TSEN2: variants seen among roughly 807,000 people sequenced by gnomAD.
TSEN2 encodes the protein tRNA-splicing endonuclease subunit Sen2.
A neutral mutation model predicts 59.2 loss-of-function variants in TSEN2; 54 were observed. The ratio of observed to expected loss-of-function variants is 0.91; its 90% CI spans 0.73 to 1.14. TSEN2 has a LOEUF of 1.14. Ranked by LOEUF, TSEN2 falls within the 50% of genes most tolerant of loss-of-function variation. TSEN2 has a pLI of 0.00. For missense variants in TSEN2, 636 were observed against 576.2 expected (o/e 1.10, Z -1.06); for synonymous variants, 195 against 198.2 (o/e 0.98, Z 0.14).
At chr3:12,530,094 C>T in intron 10 of TSEN2, 1 of 1,416,634 alleles carries the variant, frequency 7.1e-7, no homozygotes, top group Non-Finnish European at 9.2e-7. Context: ...CTCCCAACTG[C>T]TGCTGAGCTC....
At chr3:12,492,446 T>G (rs1197885621) in intron 3 of TSEN2, among the ~76,000 whole-genome samples, 4 of 152,206 alleles carry the variant, frequency 2.6e-5, no homozygotes, top group African/African-American at 9.6e-5. Flanking sequence ...TTTCTGTTGT[T>G]AAGTGTTTGC....
chr3:12,498,099 T>C (rs1007443835), intron 4 of TSEN2, among the ~76,000 whole-genome samples: 2 of 152,094 alleles, frequency 1.3e-5, no homozygotes, highest in Admixed American at 6.5e-5. Context: ...AAAAAATTGA[T>C]ACATAATAGA....
At chr3:12,497,016 C>G (rs1474782901) in intron 4 of TSEN2, among the ~76,000 whole-genome samples, 1 of 152,196 alleles carries the variant, frequency 6.6e-6, no homozygotes, top group Non-Finnish European at 1.5e-5. Context: ...TATGGCCTGG[C>G]TGATTCCTGC....
chr3:12,531,607 T>C lies in TSEN2; in HGVS notation c.1286T>C (p.Met429Thr), dbSNP rs749739005. The C allele has an allele frequency of 1.4e-5, 23 of 1,613,250 alleles. No individual in the cohort carries two copies. In the Admixed American group the frequency reaches 3.8e-4, roughly 27 times the overall value. The part of the protein sequence containing the change: ...MLCYLIKPST[M>T]TDKEMESPEC... ...TGCTATTTGATTAAACCCTCTACTA[T>C]GACTGACAAGGAAATGGAGTCACCA... The change falls in exon 11 of 12, where the codon ATG becomes ACG. Residue 429 changes from methionine to threonine, a missense_variant. Met to Thr is a moderately conservative substitution (Grantham distance 81). Transcript: ENST00000284995.
At chr3:12,497,070 T>C (rs1437381118) in intron 4 of TSEN2, among the ~76,000 whole-genome samples, 3 of 152,210 alleles carry the variant, frequency 2.0e-5, no homozygotes, top group Admixed American at 1.3e-4. Flanking sequence ...TGGGTTTCTT[T>C]CCTTACCACC....
At position 12,500,859 on chromosome 3, in the gene TSEN2, T is replaced by A. The variant is rs151098955; in HGVS notation, c.309-2403T>A. Among the ~76,000 whole-genome samples, 1,086 of 152,308 alleles carry A rather than the reference T, an allele frequency of 7.1e-3. 7 individuals carry two copies. The highest frequency in any genetic ancestry group is 0.025 in the African/African-American group (1,028 of 41,566). On this transcript the variant is annotated intron_variant, in intron 4 of 11. Transcript: ENST00000284995. ...CCCACGTCTGCTTTGACTGCTCTGC[T>A]GCAAAGAGCAGAGCAGTGCCCTCTG...
At chr3:12,530,533 C>T in intron 10 of TSEN2, 1 of 985,482 alleles carries the variant, frequency 1.0e-6, no homozygotes, top group Non-Finnish European at 1.2e-6. Flanking sequence ...GTTCTCATTA[C>T]TCAGTGATTT....
At chr3:12,516,948 T>C (rs1295230830) in intron 7 of TSEN2, among the ~76,000 whole-genome samples, 7 of 152,124 alleles carry the variant, frequency 4.6e-5, no homozygotes, top group Admixed American at 2.0e-4. Context: ...TATTAAAAAT[T>C]AACAAAAATA....
rs1007493619 is a variant in TSEN2 at position 12,519,472 on chromosome 3, G to T, written c.1099+275G>T. Among the ~76,000 whole-genome samples the T allele has an allele frequency of 3.9e-5, 6 of 152,298 alleles. No individual in the cohort carries two copies. The South Asian group carries it at 1.2e-3, about 32-fold the overall frequency. ...TCTTAGAAAAGCGTTCTGGCTGAGC[G>T]CCGTGGCTTACGCATGTAATCCCAG... On this transcript the variant is annotated intron_variant, in intron 8 of 11. Transcript: ENST00000284995.
intron 8 of TSEN2, among the ~76,000 whole-genome samples, chr3:12,528,443 G>A (rs1445355954): frequency 1.3e-5 from 2 of 152,230 alleles, no homozygotes; most frequent in Non-Finnish European, 2.9e-5. Context: ...GATGGTGGCT[G>A]GGTGTGGTGG....
At chr3:12,506,424 A>C (rs139093516) in intron 6 of TSEN2, among the ~76,000 whole-genome samples, 2,586 of 152,120 alleles carry the variant, frequency 0.017, 26 homozygotes, top group African/African-American at 0.031. Context: ...GCAAAACCCC[A>C]TCTCTACAAA....
At chr3:12,499,554 C>G (rs1011783472) in intron 4 of TSEN2, among the ~76,000 whole-genome samples, 2 of 152,236 alleles carry the variant, frequency 1.3e-5, no homozygotes, top group African/African-American at 4.8e-5. Context: ...CTTTCATCTT[C>G]TCAAGAAACC....
At chr3:12,502,545 C>T (rs1019112930) in intron 4 of TSEN2, among the ~76,000 whole-genome samples, 1 of 149,908 alleles carries the variant, frequency 6.7e-6, no homozygotes, top group African/African-American at 2.5e-5. Flanking sequence ...CAAAAAATAA[C>T]AACAATAATA....
At chr3:12,494,998 C>T (rs1414097236) in intron 3 of TSEN2, among the ~76,000 whole-genome samples, 1 of 151,150 alleles carries the variant, frequency 6.6e-6, no homozygotes, top group Non-Finnish European at 1.5e-5. Flanking sequence ...TGGTGGCAGG[C>T]ACTTGTAATC....
rs755389250 is a variant in TSEN2 at position 12,519,123 on chromosome 3, C to G, written c.1025C>G (p.Thr342Ser). Reference protein sequence around the residue: ...FTVVQPTFRTTYMAYHYFRSK... With the variant: ...FTVVQPTFRTSYMAYHYFRSK... ...GTAGTTCAGCCCACGTTCAGAACCA[C>G]CTACATGGCCTACCATTACTTTCGA... is the stretch of plus-strand genomic sequence containing the variant. The change falls in exon 8 of 12, where the codon ACC becomes AGC. Residue 342 changes from threonine (T) to serine (S), a missense_variant. By Grantham distance (58) the Thr-to-Ser change is moderately conservative. Coordinates refer to ENST00000284995, the MANE Select transcript of TSEN2 (RefSeq NM_025265.4). 11 of 1,614,102 alleles carry G rather than the reference C, an allele frequency of 6.8e-6. No individual in the cohort carries two copies. The East Asian group carries it at 2.2e-4, about 33-fold the overall frequency.
At chr3:12,498,630 A>G (rs1296675219) in intron 4 of TSEN2, among the ~76,000 whole-genome samples, 1 of 152,204 alleles carries the variant, frequency 6.6e-6, no homozygotes, top group Non-Finnish European at 1.5e-5. Context: ...GACATAAACG[A>G]CACATAGTGA....
chr3:12,522,326 G>A (rs1463569681), intron 8 of TSEN2, among the ~76,000 whole-genome samples: 1 of 152,156 alleles, frequency 6.6e-6, no homozygotes, highest in African/African-American at 2.4e-5. Context: ...TCCCCTGGAG[G>A]CCTTTGCCCT....
rs764954595 is a variant in TSEN2, at chr3:12,531,565, A to G, written c.1249-5A>G. 3.1e-6 allele frequency: 5 copies of G among 1,599,742 alleles called. No individual in the cohort carries two copies. Among genetic ancestry groups the G allele is most frequent in the African/African-American group, 2.7e-5 (2 of 74,654 alleles). On this transcript the variant is annotated splice_region_variant and splice_polypyrimidine_tract_variant and intron_variant, in intron 10 of 11. Coordinates refer to ENST00000284995, the MANE Select transcript of TSEN2 (RefSeq NM_025265.4). ...ATACAGAAGTGGTTTTTCATTTCTC[A>G]ATAGGAACTTATGCTGTGCTATTTG...
intron 6 of TSEN2, among the ~76,000 whole-genome samples, chr3:12,508,075 A>G (rs763016603): frequency 1.1e-4 from 17 of 152,176 alleles, no homozygotes; most frequent in Non-Finnish European, 2.2e-4. Context: ...GGGGAGTGGC[A>G]GTGACCAGAG....
Sources: gnomAD v4.1 joint callset for allele counts (sites outside exome capture counted in the v4.1 genomes callset) on GRCh38, gnomAD v4.1.1 for gene constraint, MANE v1.5 for transcripts, NCBI Gene and HGNC (gene_info 2026-07-23, HGNC 2026-07-21) for gene names.